ZNF493: variants seen among roughly 807,000 people sequenced by gnomAD.
ZNF493 encodes zinc finger protein 493.
ZNF493 carries 11 observed loss-of-function variants against 12.2 expected under a neutral mutation model. The ratio of observed to expected loss-of-function variants is 0.90; its 90% CI spans 0.57 to 1.50. The LOEUF (loss-of-function observed/expected upper bound fraction) is 1.50. Ranked by LOEUF, ZNF493 falls within the 40% of genes most tolerant of loss-of-function variation. The pLI, the probability that ZNF493 is intolerant of heterozygous loss-of-function variation, is 0.00. For missense variants in ZNF493, 950 were observed against 906.6 expected (o/e 1.05, Z -0.61); for synonymous variants, 286 against 302.6 (o/e 0.95, Z 0.57).
chr19:21,417,848 G>A (rs1258075030), intron 3 of ZNF493, among the ~76,000 whole-genome samples: 1 of 152,182 alleles, frequency 6.6e-6, no homozygotes, highest in Admixed American at 6.5e-5. Flanking sequence ...GAGCATCCCA[G>A]TTAGTAGGAA....
intron 1 of ZNF493, among the ~76,000 whole-genome samples, chr19:21,402,198 A>T (rs1288752649): frequency 6.6e-6 from 1 of 151,664 alleles, no homozygotes; most frequent in Non-Finnish European, 1.5e-5. Flanking sequence ...CGATCTCCTG[A>T]CCTTGTGATC....
At chr19:21,404,761 A>G (rs867997746) in intron 1 of ZNF493, among the ~76,000 whole-genome samples, 1 of 152,242 alleles carries the variant, frequency 6.6e-6, no homozygotes, top group Non-Finnish European at 1.5e-5. Context: ...TGTTCACATT[A>G]AAACTTGAGA....
In ZNF493 at chr19:21,423,561, CTT is replaced by C. The variant is rs2030750744; in HGVS notation, c.905_906del (p.Phe302Ter). On this transcript the variant is annotated frameshift_variant, in exon 4 of 4. Coordinates refer to ENST00000392288, the MANE Select transcript of ZNF493 (RefSeq NM_001076678.3). LOFTEE classifies it low-confidence loss of function (END_TRUNC). ...TATAAATGTGAACAATATGGCAAAA[CTT>C]TTAACCAATCTTCAACCCTTACTGG... The C allele has an allele frequency of 6.2e-7, 1 of 1,613,594 alleles. No individual in the cohort carries two copies. Among genetic ancestry groups the C allele is most frequent in the Non-Finnish European group, 8.5e-7 (1 of 1,179,840 alleles).
At chr19:21,407,519 G>C (rs1051630803) in intron 3 of ZNF493, 8 of 405,642 alleles carry the variant, frequency 2.0e-5, no homozygotes, top group African/African-American at 1.7e-4. Context: ...TCTATCTCCT[G>C]ACCTCGTGAT....
intron 3 of ZNF493, among the ~76,000 whole-genome samples, chr19:21,422,443 A>C (rs1359402973): frequency 1.6e-5 from 2 of 122,774 alleles, no homozygotes; most frequent in African/African-American, 2.8e-5. Flanking sequence ...TTATTTATTT[A>C]TTTATTTATT....
At chr19:21,417,242 C>CT (rs1408793778) in intron 3 of ZNF493, among the ~76,000 whole-genome samples, 1 of 152,008 alleles carries the variant, frequency 6.6e-6, no homozygotes, top group Non-Finnish European at 1.5e-5. Flanking sequence ...TTTCTACATT[C>CT]TTTTTTAGTA....
rs548481403 is a variant in ZNF493 at position 21,419,813 on chromosome 19, C to A, written c.254-3100C>A. Among the ~76,000 whole-genome samples the A allele has an allele frequency of 3.2e-4, 49 of 152,280 alleles. No homozygotes were observed. The South Asian group carries it at 4.6e-3, about 14-fold the overall frequency. Reference sequence around the variant, plus strand: ...GAGGGAAGTGAGGGTTTATTCTGCACACAGGCTGTCACATTGTACATTGTC... The same window carrying A: ...GAGGGAAGTGAGGGTTTATTCTGCAAACAGGCTGTCACATTGTACATTGTC... On this transcript the variant is annotated intron_variant, in intron 3 of 3. Transcript: ENST00000392288.
At chr19:21,420,734 G>C (rs1262889375) in intron 3 of ZNF493, among the ~76,000 whole-genome samples, 1 of 116,452 alleles carries the variant, frequency 8.6e-6, no homozygotes, top group Non-Finnish European at 1.7e-5. Context: ...TCTCATAAGA[G>C]TATTCTTGCA....
Position 21,408,061 on chromosome 19 carries a change from G to A in ZNF493, c.253+2205G>A, listed in dbSNP as rs187915565. Reference sequence around the variant, plus strand: ...TTGCAAGGCTGCTGGTTCTACATTAGGGTCCATATTTAGTTGTCATGTTAC... The same window carrying A: ...TTGCAAGGCTGCTGGTTCTACATTAAGGTCCATATTTAGTTGTCATGTTAC... On this transcript the variant is annotated intron_variant, in intron 3 of 3. Coordinates refer to ENST00000392288, the MANE Select transcript of ZNF493 (RefSeq NM_001076678.3). 9.4e-5 allele frequency: 92 copies of A among 983,724 alleles called. No homozygotes were observed. The African/African-American group carries it at 1.6e-3, about 17-fold the overall frequency. The allele number at this position is 983,724 out of a possible 1,614,324, so 60.9% of individuals were successfully genotyped here.
rs146440465 is a variant in ZNF493, at chr19:21,417,549, C to T, written c.254-5364C>T. 2.3e-3 allele frequency among the ~76,000 whole-genome samples: 349 copies of T among 152,248 alleles called. 1 individual carries two copies. The highest frequency in any genetic ancestry group is 6.9e-3 in the African/African-American group (285 of 41,540). On this transcript the variant is annotated intron_variant, in intron 3 of 3. Transcript: ENST00000392288. ...GTAACCAAGCTGTAAAATCCATATA[C>T]GGTTCTTTTGGTCCCTGTTTTATAG...
At position 21,424,781 on chromosome 19, in the gene ZNF493, A is replaced by G; in HGVS notation, c.2122A>G (p.Thr708Ala). Residue 708 changes from threonine to alanine, a missense_variant, in exon 4 of 4, where the codon ACT becomes GCT. Thr to Ala is a moderately conservative substitution (Grantham distance 58). Transcript: ENST00000392288. ...SNLNTHKIIH[T>A]GEKPCKCEEC... ...CCTTAATACGCATAAGATAATTCAT[A>G]CTGGAGAGAAACCTTGCAAATGTGA... 1 of 1,613,428 alleles carries G rather than the reference A, an allele frequency of 6.2e-7. No homozygotes were observed. Among genetic ancestry groups the G allele is most frequent in the East Asian group, 2.2e-5 (1 of 44,826 alleles).
intron 1 of ZNF493, among the ~76,000 whole-genome samples, chr19:21,403,986 T>G (rs549935365): frequency 4.6e-5 from 7 of 152,304 alleles, no homozygotes; most frequent in African/African-American, 1.7e-4. Flanking sequence ...TATTCAAGAT[T>G]CCCATTGGCG....
chr19:21,405,741 A>T lies in ZNF493; in HGVS notation c.158-20A>T. The T allele has an allele frequency of 6.3e-7, 1 of 1,596,020 alleles. No homozygotes were observed. The highest frequency in any genetic ancestry group is 8.6e-7 in the Non-Finnish European group (1 of 1,165,726). On this transcript the variant is annotated intron_variant, in intron 2 of 3. Coordinates refer to ENST00000392288, the MANE Select transcript of ZNF493 (RefSeq NM_001076678.3). The stretch of plus-strand genomic sequence containing the variant: ...AGAGAATATGAGCAAGATTCATGTT[A>T]TTTATTTTTAATAAAGCAGGTATTG...
At chr19:21,408,166 G>A (rs1285214005) in intron 3 of ZNF493, 86 of 942,366 alleles carry the variant, frequency 9.1e-5, no homozygotes, top group East Asian at 2.6e-4. Flanking sequence ...TCGCTCTGTC[G>A]CCTGGCTGGA....
Position 21,424,781 on chromosome 19 carries a change from A to T in ZNF493, c.2122A>T (p.Thr708Ser), listed in dbSNP as rs769752780. Residue 708 changes from threonine to serine, a missense_variant, in exon 4 of 4, where the codon ACT (threonine) becomes TCT (serine). Coordinates refer to ENST00000392288, the MANE Select transcript of ZNF493 (RefSeq NM_001076678.3). ...CCTTAATACGCATAAGATAATTCAT[A>T]CTGGAGAGAAACCTTGCAAATGTGA... ...SNLNTHKIIH[T>S]GEKPCKCEEC... The T allele has an allele frequency of 6.2e-7, 1 of 1,613,428 alleles. No homozygotes were observed. The highest frequency in any genetic ancestry group is 2.2e-5 in the East Asian group (1 of 44,826).
chr19:21,413,301 T>C, intron 3 of ZNF493: 1 of 392,752 alleles, frequency 2.5e-6, no homozygotes, highest in Non-Finnish European at 4.5e-6. Flanking sequence ...CATAGAGTGA[T>C]TACATCCAGG....
intron 3 of ZNF493, chr19:21,412,939 A>AC: frequency 2.3e-6 from 1 of 433,388 alleles, no homozygotes; most frequent in South Asian, 1.6e-5. Flanking sequence ...TCGAGGTGCC[A>AC]CTATACTGCC....
chr19:21,411,299 T>C (rs2145284722), intron 3 of ZNF493, among the ~76,000 whole-genome samples: 1 of 152,312 alleles, frequency 6.6e-6, no homozygotes, highest in Non-Finnish European at 1.5e-5. Context: ...TTCATCTTTT[T>C]ATCTTTGTGT....
rs770482894 is a variant in ZNF493 at position 21,424,107 on chromosome 19, AT to A, written c.1449del (p.His483GlnfsTer27). 73 of 1,612,878 alleles carry A rather than the reference AT, an allele frequency of 4.5e-5. No individual in the cohort carries two copies. In the East Asian group the frequency reaches 7.6e-4, roughly 17 times the overall value. ...ACCCTTACTAAACATAGGATAATTC[AT>A]ACTGAAGAGAAACCCTACAAATGTG... ...SSTLTKHRIIHTEEKPYKCEE... is the reference protein window; with the variant it reads ...SSTLTKHRIIXTEEKPYKCEE... On this transcript the variant is annotated frameshift_variant, in exon 4 of 4. Transcript: ENST00000392288. LOFTEE classifies it low-confidence loss of function (END_TRUNC).
Sources: gnomAD v4.1 joint callset for allele counts (sites outside exome capture counted in the v4.1 genomes callset) on GRCh38, gnomAD v4.1.1 for gene constraint, MANE v1.5 for transcripts, NCBI Gene and HGNC (gene_info 2026-07-23, HGNC 2026-07-21) for gene names.